Variants in TP53BP2 observed in about 807,000 individuals in gnomAD.
TP53BP2 encodes the protein apoptosis-stimulating of p53 protein 2.
In TP53BP2, 62 loss-of-function variants were observed where a neutral mutation model predicts 126.2. That is an observed-to-expected ratio of 0.49 (90% CI 0.40 to 0.61). The LOEUF is 0.61. TP53BP2 is among the 20% of genes least tolerant of loss of function. TP53BP2 has a pLI of 0.00. For synonymous variants in TP53BP2, 485 were observed against 502.9 expected (o/e 0.96, Z 0.48); for missense variants, 1,215 against 1,402.8 (o/e 0.87, Z 2.14).
At chr1:223,831,399 C>CA (rs530821786) in intron 1 of TP53BP2, among the ~76,000 whole-genome samples, 2,123 of 64,898 alleles carry the variant, frequency 0.033, 36 homozygotes, top group Middle Eastern at 0.065. Flanking sequence ...CGCTGTCTCC[C>CA]AAAAAAAAAA....
intron 9 of TP53BP2, 142 bp downstream of exon 9, chr1:223,801,974 C>A: frequency 1.3e-6 from 1 of 788,816 alleles, no homozygotes; most frequent in Non-Finnish European, 1.9e-6. Context: ...TTTTAAACGT[C>A]TCATTACACC....
intron 9 of TP53BP2, among the ~76,000 whole-genome samples, chr1:223,801,310 T>C (rs1425164508): frequency 6.6e-6 from 1 of 152,212 alleles, no homozygotes; most frequent in Non-Finnish European, 1.5e-5. Flanking sequence ...AAAGCAAATA[T>C]AACTCTTTCC....
At chr1:223,814,497 G>A (rs905833340) in intron 2 of TP53BP2, 144 bp from the exon 3 acceptor site, 9 of 626,022 alleles carry the variant, frequency 1.4e-5, no homozygotes, top group East Asian at 2.8e-5. Flanking sequence ...ATTAAAACAC[G>A]TCTTAGAAAC....
intron 3 of TP53BP2, among the ~76,000 whole-genome samples, chr1:223,812,309 A>T (rs999580721): frequency 6.6e-6 from 1 of 152,212 alleles, no homozygotes; most frequent in Admixed American, 6.5e-5. Flanking sequence ...GCTAACCCGT[A>T]CTATAAATTT....
chr1:223,819,471 G>C (rs540358894), intron 2 of TP53BP2, among the ~76,000 whole-genome samples: 1 of 152,204 alleles, frequency 6.6e-6, no homozygotes, highest in African/African-American at 2.4e-5. Flanking sequence ...TGGATCACGA[G>C]GTCAGGAGAT....
At chr1:223,813,180 G>C (rs1662972080) in intron 3 of TP53BP2, among the ~76,000 whole-genome samples, 1 of 151,926 alleles carries the variant, frequency 6.6e-6, no homozygotes, top group African/African-American at 2.4e-5. Context: ...CTAACGATGT[G>C]ACCAACTGAC....
At chr1:223,782,915 A>G (rs1013374753) in intron 17 of TP53BP2, among the ~76,000 whole-genome samples, 1 of 152,238 alleles carries the variant, frequency 6.6e-6, no homozygotes, top group Non-Finnish European at 1.5e-5. Context: ...CTGTCAGGAC[A>G]GCAGCAGTCA....
chr1:223,802,805 C>T lies in TP53BP2; in HGVS notation c.922G>A (p.Asp308Asn). 1 of 1,614,206 alleles carries T rather than the reference C, an allele frequency of 6.2e-7. No homozygotes were observed. The highest frequency in any genetic ancestry group is 8.5e-7 in the Non-Finnish European group (1 of 1,180,024). The part of the protein sequence containing the change: ...NKRNSEVAVM[D>N]KRVNELRDRL... ...TCCCTCAGCTCATTAACACGCTTAT[C>T]CATGACTGCCACTTCTGAATTACGC... Residue 308 changes from aspartate to asparagine, a missense_variant, in exon 8 of 18, where the codon GAT becomes AAT. Around this residue, in one of 4 missense-constraint regions of TP53BP2, gnomAD observed 814 missense variants for 853.0 expected, o/e 0.95. Transcript: ENST00000343537.
At chr1:223,813,551 CCT>C (rs553938740) in intron 3 of TP53BP2, among the ~76,000 whole-genome samples, 199 of 152,272 alleles carry the variant, frequency 1.3e-3, no homozygotes, top group African/African-American at 4.6e-3. Flanking sequence ...CCTCTTCTCC[CCT>C]GTCCCACTGA....
At chr1:223,833,869 T>C (rs1412639582) in intron 1 of TP53BP2, among the ~76,000 whole-genome samples, 1 of 152,184 alleles carries the variant, frequency 6.6e-6, no homozygotes, top group African/African-American at 2.4e-5. Context: ...GAGAGGCTGG[T>C]AGCACACAAA....
chr1:223,783,078 AC>A (rs1661827780), intron 17 of TP53BP2, among the ~76,000 whole-genome samples: 1 of 152,228 alleles, frequency 6.6e-6, no homozygotes, highest in Admixed American at 6.5e-5. Context: ...GCAGTGGATC[AC>A]TCACAGACAG....
chr1:223,788,657 A>AAG (rs1351980442), intron 16 of TP53BP2, among the ~76,000 whole-genome samples: 1 of 152,162 alleles, frequency 6.6e-6, no homozygotes, highest in Non-Finnish European at 1.5e-5. Flanking sequence ...ACTTCTCTTG[A>AAG]TCATGTTGTT....
chr1:223,798,901 C>T (rs1191376902), intron 11 of TP53BP2, among the ~76,000 whole-genome samples: 1 of 151,966 alleles, frequency 6.6e-6, no homozygotes, highest in Non-Finnish European at 1.5e-5. Flanking sequence ...GAAACCCCGT[C>T]TCTACTAAAA....
intron 1 of TP53BP2, among the ~76,000 whole-genome samples, chr1:223,823,337 TG>T (rs1663379195): frequency 6.6e-6 from 1 of 152,070 alleles, no homozygotes; most frequent in Admixed American, 6.6e-5. Flanking sequence ...CCTCAAGAAT[TG>T]GTCAGAGAAA....
intron 1 of TP53BP2, among the ~76,000 whole-genome samples, chr1:223,823,669 C>A (rs1436030481): frequency 6.6e-6 from 1 of 152,184 alleles, no homozygotes; most frequent in Non-Finnish European, 1.5e-5. Flanking sequence ...AATCATAAAG[C>A]CTTGACTAAA....
At chr1:223,789,423 A>G (rs1283870673) in intron 15 of TP53BP2, among the ~76,000 whole-genome samples, 1 of 152,228 alleles carries the variant, frequency 6.6e-6, no homozygotes, top group African/African-American at 2.4e-5. Flanking sequence ...GGTGAGAAGA[A>G]TCAAGGACGT....
intron 1 of TP53BP2, chr1:223,825,763 A>C (rs1270941409): frequency 6.6e-6 from 1 of 152,290 alleles, no homozygotes; most frequent in African/African-American, 2.4e-5. Flanking sequence ...AGAGAGAAAG[A>C]AAGCTGTTAG....
intron 9 of TP53BP2, chr1:223,801,878 ATATTT>A (rs1395618894): frequency 1.2e-5 from 4 of 332,924 alleles, no homozygotes; most frequent in East Asian, 5.8e-5. Context: ...TAAAGATATT[ATATTT>A]TATTTCATTT....
chr1:223,807,013 C>T (rs1229237358), intron 4 of TP53BP2, 66 bp from the exon 5 acceptor site: 9 of 1,237,614 alleles, frequency 7.3e-6, no homozygotes, highest in South Asian at 2.6e-5. Flanking sequence ...AGATTCCGCC[C>T]TCAAAGGTCT....
Sources: allele counts gnomAD v4.1 joint callset (sites outside exome capture counted in the v4.1 genomes callset), GRCh38; gene constraint gnomAD v4.1.1; regional missense constraint gnomAD v4.1.1; transcripts MANE v1.5; gene names NCBI Gene and HGNC (gene_info 2026-07-23, HGNC 2026-07-21).